Variants in MYO1H observed in about 807,000 individuals in gnomAD.
The protein encoded by MYO1H is myosin IH.
A neutral mutation model predicts 149.3 loss-of-function variants in MYO1H; 118 were observed. The observed-to-expected ratio is 0.79, with a 90% CI of 0.68 to 0.92. MYO1H has a LOEUF of 0.92. Ranked by LOEUF, MYO1H falls within the 40% of genes least tolerant of loss-of-function variation. MYO1H has a pLI of 0.00. For synonymous variants in MYO1H, 447 were observed against 465.2 expected (o/e 0.96, Z 0.50); for missense variants, 1,212 against 1,280.7 (o/e 0.95, Z 0.82).
chr12:109,401,121 G>A, exon 6 of MYO1H: 2 of 1,613,946 alleles, frequency 1.2e-6, no homozygotes, highest in African/African-American at 1.3e-5. Flanking sequence ...CATATCATCA[G>A]TTACTTGATA....
chr12:109,444,540 T>G lies in MYO1H; in HGVS notation c.2993+11T>G. 1 of 1,598,888 alleles carries G rather than the reference T, an allele frequency of 6.3e-7. No individual in the cohort carries two copies. Among genetic ancestry groups the G allele is most frequent in the Admixed American group, 1.7e-5 (1 of 59,954 alleles). ...TGTTGTTCAAGGAAGGTAGGTGGCT[T>G]CATCTTCAGCTCAGGAAGTAATTCA... On this transcript the variant is annotated intron_variant, in intron 30 of 31. Transcript: ENST00000310903.
At chr12:109,315,552 C>G in the MYO1H span, among the ~76,000 whole-genome samples, 64 of 152,276 alleles carry the variant, frequency 4.2e-4, no homozygotes, top group African/African-American at 1.4e-3. Flanking sequence ...GAATTAGATG[C>G]TAGAATTTTT....
At chr12:109,421,235 G>A (rs1871162778) in intron 16 of MYO1H, among the ~76,000 whole-genome samples, 1 of 151,906 alleles carries the variant, frequency 6.6e-6, no homozygotes, top group African/African-American at 2.4e-5. Flanking sequence ...ATGCCCCCTG[G>A]GCACCAGCTC....
At chr12:109,424,545 G>A (rs1871287981) in intron 16 of MYO1H, among the ~76,000 whole-genome samples, 1 of 152,240 alleles carries the variant, frequency 6.6e-6, no homozygotes, top group Non-Finnish European at 1.5e-5. Context: ...GCTTCAGCAA[G>A]CAGAGAAAGC....
intron 27 of MYO1H, among the ~76,000 whole-genome samples, chr12:109,442,720 C>T (rs1457052644): frequency 6.7e-6 from 1 of 149,024 alleles, no homozygotes; most frequent in Non-Finnish European, 1.5e-5. Context: ...AGTCGGTGGG[C>T]GAGAGGTGCT....
At chr12:109,443,040 G>GTGTGTGTGTGTATATGTGTACGTA (rs1592823038) in intron 27 of MYO1H, among the ~76,000 whole-genome samples, 5 of 42,716 alleles carry the variant, frequency 1.2e-4, no homozygotes, top group Admixed American at 7.7e-4. Context: ...GTGTGTGTGT[G>GTGTGTGTGTGTATATGTGTACGTA]TGTGTGTATA....
intron 27 of MYO1H, among the ~76,000 whole-genome samples, chr12:109,442,624 C>T (rs766143110): frequency 6.6e-6 from 1 of 152,014 alleles, no homozygotes; most frequent in Non-Finnish European, 1.5e-5. Context: ...ACGTAGCAGC[C>T]GTGAGATCCT....
rs1380762539 is a variant in MYO1H at position 109,443,074 on chromosome 12, ATGTGTACG to A, written c.2689-438_2689-431del. The stretch of plus-strand genomic sequence containing the variant: ...TATATGTGTACGTATGTGTGTATAT[ATGTGTACG>A]TATGTGTGTATATATGTGTACGTAT... On this transcript the variant is annotated intron_variant, in intron 27 of 31. Transcript: ENST00000310903. 5.1e-4 allele frequency among the ~76,000 whole-genome samples: 49 copies of A among 96,114 alleles called. 1 individual carries two copies. Among genetic ancestry groups the A allele is most frequent in the South Asian group, 9.5e-4 (3 of 3,158 alleles). The allele number at this position is 96,114 out of a possible 152,430, so 63.1% of individuals were successfully genotyped here. A position where few individuals can be genotyped will look rare whatever the true frequency, so the allele number is the denominator to read the frequency against.
chr12:109,321,900 G>A, the MYO1H span, among the ~76,000 whole-genome samples: 4 of 152,160 alleles, frequency 2.6e-5, no homozygotes, highest in South Asian at 4.2e-4. Context: ...ATGTAATTAC[G>A]CATGCAATGC....
intron 15 of MYO1H, among the ~76,000 whole-genome samples, chr12:109,419,184 G>A (rs1483184086): frequency 1.5e-5 from 2 of 130,324 alleles, no homozygotes. Flanking sequence ...ACCTATGTGA[G>A]GATACACACA....
At chr12:109,352,765 G>T (rs1317094604) in intron 1 of MYO1H, among the ~76,000 whole-genome samples, 1 of 152,142 alleles carries the variant, frequency 6.6e-6, no homozygotes, top group Admixed American at 6.5e-5. Flanking sequence ...TTCAAAGAAA[G>T]TTGCAGACAT....
chr12:109,353,342 C>T (rs1205185816), intron 1 of MYO1H, among the ~76,000 whole-genome samples: 4 of 131,758 alleles, frequency 3.0e-5, no homozygotes, highest in Non-Finnish European at 6.2e-5. Context: ...TGCAGTGAGC[C>T]GATATTGCGC....
intron 3 of MYO1H, among the ~76,000 whole-genome samples, chr12:109,396,036 A>G (rs759782017): frequency 6.6e-6 from 1 of 152,022 alleles, no homozygotes; most frequent in South Asian, 2.1e-4. Flanking sequence ...CTCCTGCCTC[A>G]GCCTCCCGAG....
chr12:109,313,890 T>G, the MYO1H span, among the ~76,000 whole-genome samples: 51 of 152,286 alleles, frequency 3.3e-4, no homozygotes, highest in African/African-American at 1.1e-3. Context: ...AGTTTTTTGT[T>G]TCTCGTTTTT....
At chr12:109,345,615 C>A (rs751892696), upstream of MYO1H, among the ~76,000 whole-genome samples, 13 of 151,954 alleles carry the variant, frequency 8.6e-5, no homozygotes, top group Non-Finnish European at 1.9e-4. Context: ...TAGGTATATA[C>A]CCAAGAGAAA....
chr12:109,370,854 A>T (rs1868966245), intron 1 of MYO1H, among the ~76,000 whole-genome samples: 1 of 152,226 alleles, frequency 6.6e-6, no homozygotes, highest in Non-Finnish European at 1.5e-5. Flanking sequence ...ACAATGAAAA[A>T]GACTTACCCC....
intron 1 of MYO1H, among the ~76,000 whole-genome samples, chr12:109,361,252 C>T (rs991057917): frequency 2.0e-5 from 3 of 152,106 alleles, no homozygotes; most frequent in Non-Finnish European, 4.4e-5. Context: ...AAAGTGTACA[C>T]CCATGTAGTA....
chr12:109,317,439 T>C, the MYO1H span, among the ~76,000 whole-genome samples: 1 of 152,246 alleles, frequency 6.6e-6, no homozygotes, highest in African/African-American at 2.4e-5. Context: ...TCCTAATCTC[T>C]ATTTGATTTC....
chr12:109,396,740 C>T lies in MYO1H; in HGVS notation c.489+158C>T, dbSNP rs182933122. Among the ~76,000 whole-genome samples the T allele has an allele frequency of 1.4e-3, 218 of 151,778 alleles. 1 individual carries two copies. The highest frequency in any genetic ancestry group is 5.1e-3 in the African/African-American group (210 of 41,406). On this transcript the variant is annotated intron_variant, in intron 4 of 31. Coordinates refer to ENST00000310903, the Ensembl canonical transcript of MYO1H. ...TTAAGGGTGTGACCTGGAACTAAGC[C>T]CATTTCCCCATTTGTTGAATGGGTC...
Sources: allele counts gnomAD v4.1 joint callset (sites outside exome capture counted in the v4.1 genomes callset), GRCh38; gene constraint gnomAD v4.1.1; transcripts MANE v1.5; gene names NCBI Gene and HGNC (gene_info 2026-07-23, HGNC 2026-07-21).